The following MAP4 variants were observed in gnomAD, a reference collection of about 807,000 sequenced individuals.
The protein encoded by MAP4 is microtubule associated protein 4.
In MAP4, 76 loss-of-function variants were observed where a neutral mutation model predicts 170.2. That is an observed-to-expected ratio of 0.45 (90% CI 0.37 to 0.54). The LOEUF is 0.54. Ranked by LOEUF, MAP4 falls within the 20% of genes least tolerant of loss-of-function variation. The probability of loss-of-function intolerance (pLI) is 0.00; values close to 1 mark genes in which losing one functional copy is unlikely to be tolerated. For synonymous variants in MAP4, 909 were observed against 994.5 expected (o/e 0.91, Z 1.62); for missense variants, 2,506 against 2,748.0 (o/e 0.91, Z 1.97).
At chr3:47,926,341 G>A (rs2100045929) in intron 4 of MAP4, among the ~76,000 whole-genome samples, 1 of 151,068 alleles carries the variant, frequency 6.6e-6, no homozygotes, top group Non-Finnish European at 1.5e-5. Flanking sequence ...CCGCCACCAT[G>A]CCCGGCTGAT....
chr3:48,009,607 G>A (rs757983579), intron 1 of MAP4, among the ~76,000 whole-genome samples: 2 of 152,166 alleles, frequency 1.3e-5, no homozygotes, highest in African/African-American at 4.8e-5. Context: ...ACGCCAACTA[G>A]GTGACAATAC....
intron 1 of MAP4, among the ~76,000 whole-genome samples, chr3:48,008,259 GATGGCCTC>G (rs2100103480): frequency 6.6e-6 from 1 of 152,184 alleles, no homozygotes; most frequent in Non-Finnish European, 1.5e-5. Context: ...AGCCTGCACT[GATGGCCTC>G]ATGGGGAGTT....
intron 10 of MAP4, among the ~76,000 whole-genome samples, chr3:47,900,572 C>T (rs2100029462): frequency 6.6e-6 from 1 of 152,134 alleles, no homozygotes; most frequent in African/African-American, 2.4e-5. Flanking sequence ...CCTGTCTCTA[C>T]TAAAAATACA....
upstream of MAP4, among the ~76,000 whole-genome samples, chr3:48,018,706 G>A (rs1214538110): frequency 6.6e-6 from 1 of 152,130 alleles, no homozygotes; most frequent in African/African-American, 2.4e-5. Context: ...GAGAGGCTGA[G>A]GCAGGAGAAT....
intron 1 of MAP4, among the ~76,000 whole-genome samples, chr3:48,060,724 G>A (rs2154557740): frequency 6.6e-6 from 1 of 151,396 alleles, no homozygotes; most frequent in South Asian, 2.1e-4. Context: ...GACCAGCCTG[G>A]GCAACGTGTC....
intron 3 of MAP4, among the ~76,000 whole-genome samples, chr3:47,935,247 T>C (rs1394870943): frequency 2.0e-5 from 3 of 152,076 alleles, no homozygotes; most frequent in African/African-American, 7.2e-5. Flanking sequence ...TAGAACTTAA[T>C]TGAATCTAGG....
chr3:47,971,335 C>T (rs934150926), intron 3 of MAP4, among the ~76,000 whole-genome samples: 2 of 152,200 alleles, frequency 1.3e-5, no homozygotes, highest in Non-Finnish European at 2.9e-5. Context: ...AACTCTAACA[C>T]ACCACAGATT....
At chr3:47,975,354 T>C (rs2100081359) in intron 3 of MAP4, 2 of 1,548,190 alleles carry the variant, frequency 1.3e-6, no homozygotes. Context: ...TGTCCAGGAA[T>C]GAAAAGCAAA....
chr3:48,080,863 G>A (rs548955140), intron 1 of MAP4, among the ~76,000 whole-genome samples: 19 of 152,272 alleles, frequency 1.2e-4, no homozygotes, highest in African/African-American at 4.1e-4. Flanking sequence ...CCTGGCTCAC[G>A]CCTGTAATCC....
rs998098535 is a variant in MAP4, at chr3:47,937,336, C to T, written c.293-8986G>A. On this transcript the variant is annotated intron_variant, in intron 3 of 20. Transcript: ENST00000683076. ...AAATGACGATGAATTAAAGAACAAA[C>T]CACAGCATCCTCGGGAAGGTTCACA... Among the ~76,000 whole-genome samples, 38 of 152,248 alleles carry T rather than the reference C, an allele frequency of 2.5e-4. 1 individual carries two copies. The highest frequency in any genetic ancestry group is 6.3e-4 in the African/African-American group (26 of 41,548).
At chr3:48,002,488 G>A (rs2100099742) in intron 1 of MAP4, among the ~76,000 whole-genome samples, 2 of 151,558 alleles carry the variant, frequency 1.3e-5, no homozygotes, top group South Asian at 4.2e-4. Context: ...CTTGAACCCG[G>A]GAGTTTAAGA....
At chr3:48,056,420 C>T (rs1485054501) in intron 1 of MAP4, among the ~76,000 whole-genome samples, 5 of 76,012 alleles carry the variant, frequency 6.6e-5, no homozygotes, top group East Asian at 4.3e-4. Context: ...CGGCCAGCCG[C>T]CCCGTCCGGG....
intron 17 of MAP4, among the ~76,000 whole-genome samples, chr3:47,863,108 C>A (rs1242736175): frequency 6.6e-6 from 1 of 152,124 alleles, no homozygotes; most frequent in Non-Finnish European, 1.5e-5. Context: ...TCCAGAGTAG[C>A]TGGGATTATA....
chr3:47,917,222 T>C, intron 6 of MAP4, 48 bp from the exon 7 acceptor site: 3 of 1,459,516 alleles, frequency 2.1e-6, no homozygotes, highest in Non-Finnish European at 2.8e-6. Flanking sequence ...TACCTTTGCA[T>C]TAAAAATGCT....
At chr3:47,987,355 G>T in intron 2 of MAP4, 1 of 1,505,998 alleles carries the variant, frequency 6.6e-7, no homozygotes, top group Non-Finnish European at 8.9e-7. Flanking sequence ...AGAGGAAAGA[G>T]GAAAGTTCAG....
At chr3:47,969,203 C>CTCA (rs1417279091) in intron 3 of MAP4, among the ~76,000 whole-genome samples, 1 of 151,992 alleles carries the variant, frequency 6.6e-6, no homozygotes, top group African/African-American at 2.4e-5. Context: ...AGGTCAGGAG[C>CTCA]TCAAGAACAG....
At chr3:47,976,223 T>TA (rs1044683053) in intron 3 of MAP4, among the ~76,000 whole-genome samples, 13 of 152,242 alleles carry the variant, frequency 8.5e-5, no homozygotes, top group African/African-American at 2.9e-4. Context: ...GGGTAGTTCA[T>TA]AAAGAGCCAG....
intron 3 of MAP4, among the ~76,000 whole-genome samples, chr3:47,938,739 C>T (rs2100054536): frequency 6.6e-6 from 1 of 152,162 alleles, no homozygotes; most frequent in Non-Finnish European, 1.5e-5. Context: ...AAATTTGGGA[C>T]AGCCCTTTCA....
At chr3:47,868,198 G>A (rs1183442800) in intron 16 of MAP4, among the ~76,000 whole-genome samples, 1 of 152,168 alleles carries the variant, frequency 6.6e-6, no homozygotes, top group Non-Finnish European at 1.5e-5. Context: ...GGCTCTAAGA[G>A]TCTGGAACAA....
Sources: gnomAD v4.1 joint callset for allele counts (sites outside exome capture counted in the v4.1 genomes callset) on GRCh38, gnomAD v4.1.1 for gene constraint, MANE v1.5 for transcripts, NCBI Gene and HGNC (gene_info 2026-07-23, HGNC 2026-07-21) for gene names.